GOLIM4: variants seen among roughly 807,000 people sequenced by gnomAD.
The protein encoded by GOLIM4 is 130 kDa golgi-localized phosphoprotein.
A neutral mutation model predicts 107.4 loss-of-function variants in GOLIM4; 71 were observed. The observed-to-expected ratio is 0.66, with a 90% CI of 0.55 to 0.81. The LOEUF is 0.81. Among genes scored for constraint, GOLIM4 ranks in the 30% least tolerant of loss-of-function variants. The pLI, the probability that GOLIM4 is intolerant of heterozygous loss-of-function variation, is 0.00. For missense variants in GOLIM4, 830 were observed against 826.1 expected, an observed-to-expected ratio of 1.00 and a Z score of -0.06; for synonymous variants, 327 against 294.8, an observed-to-expected ratio of 1.11 and a Z score of -1.12.
intron 1 of GOLIM4, among the ~76,000 whole-genome samples, chr3:168,062,536 T>C (rs1720330662): frequency 6.6e-6 from 1 of 152,184 alleles, no homozygotes; most frequent in African/African-American, 2.4e-5. Context: ...TTTTGTCAGG[T>C]GCCCTCCATA....
chr3:168,028,678 A>G (rs1211136900), intron 11 of GOLIM4, among the ~76,000 whole-genome samples: 1 of 152,250 alleles, frequency 6.6e-6, no homozygotes, highest in Non-Finnish European at 1.5e-5. Flanking sequence ...GCTGTAAGAT[A>G]TCACAACGGG....
At chr3:168,079,459 C>T (rs1372596891) in intron 1 of GOLIM4, among the ~76,000 whole-genome samples, 3 of 152,086 alleles carry the variant, frequency 2.0e-5, no homozygotes, top group Non-Finnish European at 4.4e-5. Context: ...CTGGTCTTGC[C>T]ATGTGTTTTG....
intron 14 of GOLIM4, among the ~76,000 whole-genome samples, chr3:168,019,848 G>A (rs998453412): frequency 6.6e-6 from 1 of 152,116 alleles, no homozygotes; most frequent in Non-Finnish European, 1.5e-5. Flanking sequence ...AGCTCAGGTG[G>A]TGACAGCCTG....
chr3:168,065,937 C>T (rs1720522211), intron 1 of GOLIM4, among the ~76,000 whole-genome samples: 1 of 152,220 alleles, frequency 6.6e-6, no homozygotes, highest in Non-Finnish European at 1.5e-5. Context: ...AAGCCTCTTT[C>T]TGCTCTAACA....
Position 168,017,427 on chromosome 3 carries a change from T to C in GOLIM4, c.1861-6604A>G, listed in dbSNP as rs57134928. Among the ~76,000 whole-genome samples, 222 of 152,292 alleles carry C rather than the reference T, an allele frequency of 1.5e-3. No individual in the cohort carries two copies. In the East Asian group the frequency reaches 0.018, roughly 12 times the overall value. ...ATCGATTGAGCTCTGGAGGTCAAAG[T>C]TGCAGTAAGCTATGTTTGTGTCACT... On this transcript the variant is annotated intron_variant, in intron 14 of 15. Coordinates refer to ENST00000470487, the MANE Select transcript of GOLIM4 (RefSeq NM_014498.5).
Position 168,051,769 on chromosome 3 carries a change from G to A in GOLIM4, c.188-3404C>T, listed in dbSNP as rs76924413. On this transcript the variant is annotated intron_variant, in intron 1 of 15. Transcript: ENST00000470487. ...AATGTAACTTAAGAATTCAGAAATG[G>A]TTTGAAGGCTGGAGAATATCACCGA... 0.012 allele frequency among the ~76,000 whole-genome samples: 1,807 copies of A among 152,270 alleles called. 81 individuals are homozygous for A. The East Asian group carries it at 0.16, about 14-fold the overall frequency.
At chr3:168,043,868 G>A (rs565784609) in intron 4 of GOLIM4, among the ~76,000 whole-genome samples, 2 of 151,990 alleles carry the variant, frequency 1.3e-5, no homozygotes, top group African/African-American at 4.8e-5. Flanking sequence ...TCCCTCCCTG[G>A]GTATTATGGA....
chr3:168,081,412 G>C lies in GOLIM4; in HGVS notation c.187+13687C>G, dbSNP rs146889765. On this transcript the variant is annotated intron_variant, in intron 1 of 15. Coordinates refer to ENST00000470487, the MANE Select transcript of GOLIM4 (RefSeq NM_014498.5). ...GGACATAGTAGGCAGGGTTGGGAAG[G>C]GGGTAAGGGGTAGCAGATGGACTGG... Among the ~76,000 whole-genome samples the C allele has an allele frequency of 5.1e-3, 775 of 152,256 alleles. 9 individuals are homozygous for C. The highest frequency in any genetic ancestry group is 0.017 in the African/African-American group (712 of 41,544).
chr3:168,019,954 A>C (rs1577505598), intron 14 of GOLIM4, among the ~76,000 whole-genome samples: 1 of 102,914 alleles, frequency 9.7e-6, no homozygotes, highest in Non-Finnish European at 1.6e-5. Context: ...TAGGGGTTAC[A>C]AAAAAAAATG....
Position 168,095,384 on chromosome 3 carries a change from G to T in GOLIM4, c.-99C>A. ...CGGCCGCCGCAGTAGGTGGCCAGAC[G>T]CAGCATGAGGAGGAGATGCCAGACA... On this transcript the variant is annotated 5_prime_UTR_variant, in exon 1 of 16. Coordinates refer to ENST00000470487, the MANE Select transcript of GOLIM4 (RefSeq NM_014498.5). The T allele has an allele frequency of 1.0e-6, 1 of 966,820 alleles. No homozygotes were observed. The highest frequency in any genetic ancestry group is 1.6e-6 in the Non-Finnish European group (1 of 641,960). The allele number at this position is 966,820 out of a possible 1,614,324, so 59.9% of individuals were successfully genotyped here.
At chr3:168,077,952 T>C (rs914856506) in intron 1 of GOLIM4, among the ~76,000 whole-genome samples, 1 of 152,122 alleles carries the variant, frequency 6.6e-6, no homozygotes, top group Non-Finnish European at 1.5e-5. Flanking sequence ...CTCCCTAAAA[T>C]GTATGATATA....
chr3:168,092,302 G>A (rs751770277), intron 1 of GOLIM4, among the ~76,000 whole-genome samples: 7 of 152,180 alleles, frequency 4.6e-5, no homozygotes, highest in South Asian at 4.1e-4. Flanking sequence ...ATTGCTAAGA[G>A]GGATAGATAA....
In GOLIM4 at chr3:168,048,235, A is replaced by T. The variant is rs1029733741; in HGVS notation, c.262+56T>A. On this transcript the variant is annotated intron_variant, in intron 2 of 15. Coordinates refer to ENST00000470487, the MANE Select transcript of GOLIM4 (RefSeq NM_014498.5). ...AAAAAAATTGTAAACCAAGTATATG[A>T]TACGTCAAAGAAGAGTACTGGAAAA... 3.3e-6 allele frequency: 3 copies of T among 901,978 alleles called. No homozygotes were observed. In the African/African-American group the frequency reaches 5.0e-5, roughly 15 times the overall value. The allele number at this position is 901,978 out of a possible 1,614,324, so 55.9% of individuals were successfully genotyped here. A position where few individuals can be genotyped will look rare whatever the true frequency, so the allele number is the denominator to read the frequency against.
At chr3:168,036,669 G>A (rs1718668091) in intron 8 of GOLIM4, among the ~76,000 whole-genome samples, 167 bp downstream of exon 8, 1 of 152,170 alleles carries the variant, frequency 6.6e-6, no homozygotes, top group Non-Finnish European at 1.5e-5. Context: ...TCTGGGCCTG[G>A]GACCCAGTAA....
At chr3:168,028,284 T>C (rs574117187) in intron 11 of GOLIM4, among the ~76,000 whole-genome samples, 5 of 152,290 alleles carry the variant, frequency 3.3e-5, no homozygotes, top group African/African-American at 4.8e-5. Context: ...GAAACAAATA[T>C]AGCCCATCAC....
chr3:168,036,076 T>A (rs574500792), intron 8 of GOLIM4, among the ~76,000 whole-genome samples: 1 of 152,198 alleles, frequency 6.6e-6, no homozygotes, highest in African/African-American at 2.4e-5. Context: ...AATATATTAT[T>A]AACTTTAATA....
rs544276951 is a variant in GOLIM4 at position 168,027,194 on chromosome 3, T to C, written c.1623+534A>G. Among the ~76,000 whole-genome samples the C allele has an allele frequency of 5.9e-5, 9 of 152,320 alleles. No individual in the cohort carries two copies. The South Asian group carries it at 6.2e-4, about 11-fold the overall frequency. On this transcript the variant is annotated intron_variant, in intron 12 of 15. Coordinates refer to ENST00000470487, the MANE Select transcript of GOLIM4 (RefSeq NM_014498.5). ...CTTATATTATAAATTTTCTGTACCA[T>C]TGCATACCTGAACAACTCTTCATGT...
chr3:168,045,474 T>C (rs969554521), intron 3 of GOLIM4, among the ~76,000 whole-genome samples: 1 of 152,274 alleles, frequency 6.6e-6, no homozygotes, highest in African/African-American at 2.4e-5. Context: ...AGAGCCAGGA[T>C]TGAAACTTGA....
At chr3:168,072,806 T>C (rs1720901649) in intron 1 of GOLIM4, among the ~76,000 whole-genome samples, 1 of 152,094 alleles carries the variant, frequency 6.6e-6, no homozygotes, top group Non-Finnish European at 1.5e-5. Context: ...CAAATAATAC[T>C]ATAAAAAACA....
Sources: allele counts gnomAD v4.1 joint callset (sites outside exome capture counted in the v4.1 genomes callset), GRCh38; gene constraint gnomAD v4.1.1; transcripts MANE v1.5; gene names NCBI Gene and HGNC (gene_info 2026-07-23, HGNC 2026-07-21).